Variants in DHX57 observed in about 807,000 individuals in gnomAD.
DHX57 encodes the protein DExH-box helicase 57, also known as putative ATP-dependent RNA helicase DHX57.
In DHX57, 105 loss-of-function variants were observed where a neutral mutation model predicts 156.2. The observed-to-expected ratio is 0.67, with a 90% CI of 0.57 to 0.79. DHX57 has a LOEUF of 0.79. Among genes scored for constraint, DHX57 ranks in the 30% least tolerant of loss-of-function variants. The pLI, the probability that DHX57 is intolerant of heterozygous loss-of-function variation, is 0.00. For synonymous variants in DHX57, 704 were observed against 595.6 expected (o/e 1.18, Z -2.65); for missense variants, 1,847 against 1,661.9 (o/e 1.11, Z -1.94).
At chr2:38,875,403 C>G (rs1266259260) in intron 1 of DHX57, among the ~76,000 whole-genome samples, 1 of 152,142 alleles carries the variant, frequency 6.6e-6, no homozygotes, top group Non-Finnish European at 1.5e-5. Flanking sequence ...ATCTCGTATC[C>G]TTTTTCGAAC....
rs552158808 is a variant in DHX57, at chr2:38,804,836, G to A, written c.3816+1723C>T. On this transcript the variant is annotated intron_variant, in intron 22 of 23. Coordinates refer to ENST00000457308, the MANE Select transcript of DHX57 (RefSeq NM_198963.3). ...GATTTGCTCAGTTGTTTCTCATCCC[G>A]GAGTTCTTCCCTGACCACCCCACGT... Among the ~76,000 whole-genome samples, 9 of 152,230 alleles carry A rather than the reference G, an allele frequency of 5.9e-5. No homozygotes were observed. The South Asian group carries it at 8.3e-4, about 14-fold the overall frequency.
chr2:38,823,483 A>G (rs1670931240), intron 16 of DHX57, among the ~76,000 whole-genome samples: 1 of 152,202 alleles, frequency 6.6e-6, no homozygotes, highest in South Asian at 2.1e-4. Flanking sequence ...AACTTTCAAA[A>G]TGCTTCTTTC....
intron 3 of DHX57, chr2:38,862,833 A>G (rs1413226262): frequency 2.6e-5 from 4 of 154,190 alleles, no homozygotes; most frequent in Non-Finnish European, 5.8e-5. Context: ...AGATTTGTAG[A>G]TAGGATGGAA....
chr2:38,815,372 A>T, intron 20 of DHX57, 149 bp downstream of exon 20: 1 of 1,078,368 alleles, frequency 9.3e-7, no homozygotes, highest in Non-Finnish European at 1.3e-6. Context: ...ATCAGCTGAT[A>T]TTTATTTGTG....
At chr2:38,823,416 C>T in intron 16 of DHX57, 147 bp from the exon 17 acceptor site, 1 of 812,310 alleles carries the variant, frequency 1.2e-6, no homozygotes, top group Non-Finnish European at 1.9e-6. Flanking sequence ...CAATAAACCA[C>T]AAAAACACTT....
intron 13 of DHX57, among the ~76,000 whole-genome samples, chr2:38,833,890 A>G (rs1671512554): frequency 6.6e-6 from 1 of 152,244 alleles, no homozygotes; most frequent in South Asian, 2.1e-4. Flanking sequence ...ACATATATAG[A>G]TACTAGCCTA....
chr2:38,828,821 C>A (rs1201455898), intron 13 of DHX57, among the ~76,000 whole-genome samples: 1 of 151,980 alleles, frequency 6.6e-6, no homozygotes, highest in Non-Finnish European at 1.5e-5. Flanking sequence ...TTTATATATT[C>A]TCTGACTTAA....
chr2:38,800,353 C>CA lies in DHX57; in HGVS notation c.4018-1912dup, dbSNP rs960588254. ...TGGGTGACAGAGCAAGACTCCACCTCAAAAAAAAAAATAAATAAGTGGAAG... is the reference window on the plus strand; with the variant it reads ...TGGGTGACAGAGCAAGACTCCACCTCAAAAAAAAAAAATAAATAAGTGGAAG... On this transcript the variant is annotated intron_variant, in intron 23 of 23. Coordinates refer to ENST00000457308, the MANE Select transcript of DHX57 (RefSeq NM_198963.3). 3.0e-3 allele frequency among the ~76,000 whole-genome samples: 426 copies of CA among 142,480 alleles called. 1 individual carries two copies. The highest frequency in any genetic ancestry group is 4.6e-3 in the African/African-American group (180 of 38,942). 93.5% of individuals were successfully genotyped at this position (142,480 alleles called of 152,430 possible).
In DHX57 at chr2:38,826,060, A is replaced by AT; in HGVS notation, c.2814-14_2814-13insA. ...GCTGGCATCATATCTATAAAGAAAA[A>AT]GAAAATATAAATTGAGTCATTTTAT... On this transcript the variant is annotated splice_polypyrimidine_tract_variant and intron_variant, in intron 15 of 23. Coordinates refer to ENST00000457308, the MANE Select transcript of DHX57 (RefSeq NM_198963.3). 1.2e-6 allele frequency: 2 copies of AT among 1,610,402 alleles called. No homozygotes were observed. The highest frequency in any genetic ancestry group is 1.7e-6 in the Non-Finnish European group (2 of 1,177,650).
chr2:38,815,813 T>A, intron 19 of DHX57, 158 bp from the exon 20 acceptor site: 1 of 908,170 alleles, frequency 1.1e-6, no homozygotes, highest in South Asian at 1.8e-5. Flanking sequence ...TGTCTGGTCA[T>A]TTCCAAGAAG....
intron 2 of DHX57, among the ~76,000 whole-genome samples, chr2:38,867,838 G>A (rs1031183948): frequency 6.6e-6 from 1 of 152,194 alleles, no homozygotes; most frequent in Non-Finnish European, 1.5e-5. Context: ...GATTACAGGT[G>A]TGAGCCACCG....
chr2:38,868,718 C>T (rs927938289), intron 1 of DHX57, among the ~76,000 whole-genome samples: 5 of 152,162 alleles, frequency 3.3e-5, no homozygotes, highest in Non-Finnish European at 5.9e-5. Context: ...TAAAGATGTA[C>T]ATCATAAACA....
At chr2:38,848,070 G>A (rs1303556962) in intron 10 of DHX57, among the ~76,000 whole-genome samples, 199 bp downstream of exon 10, 2 of 151,024 alleles carry the variant, frequency 1.3e-5, no homozygotes, top group African/African-American at 2.4e-5. Flanking sequence ...GTGACAGAGC[G>A]AGACTCTGTC....
At chr2:38,809,403 A>G (rs1167964241) in intron 21 of DHX57, among the ~76,000 whole-genome samples, 3 of 151,376 alleles carry the variant, frequency 2.0e-5, no homozygotes, top group Non-Finnish European at 4.4e-5. Context: ...ACGAGCCACT[A>G]TGCCCAGCCC....
At chr2:38,848,966 A>C (rs1672434312) in intron 9 of DHX57, among the ~76,000 whole-genome samples, 1 of 152,226 alleles carries the variant, frequency 6.6e-6, no homozygotes, top group Non-Finnish European at 1.5e-5. Flanking sequence ...AAATCCAGGC[A>C]GTACCAATCA....
chr2:38,812,771 G>A (rs1449206515), intron 21 of DHX57, among the ~76,000 whole-genome samples: 3 of 151,922 alleles, frequency 2.0e-5, no homozygotes, highest in Admixed American at 6.6e-5. Context: ...GACCTCAGGC[G>A]ATCCGCCCGC....
In DHX57 at chr2:38,860,627, A is replaced by C. The variant is rs571726688; in HGVS notation, c.1411+372T>G. On this transcript the variant is annotated intron_variant, in intron 5 of 23. Coordinates refer to ENST00000457308, the MANE Select transcript of DHX57 (RefSeq NM_198963.3). ...TGGTATAGAAAGCAAAATATCTCTA[A>C]AAATTCATTTGAAAGTAATTCAGTA... Among the ~76,000 whole-genome samples, 95 of 152,300 alleles carry C rather than the reference A, an allele frequency of 6.2e-4. 1 individual carries two copies. Among genetic ancestry groups the C allele is most frequent in the Admixed American group, 5.6e-3 (85 of 15,300 alleles).
chr2:38,821,865 G>T (rs771146293), intron 17 of DHX57, among the ~76,000 whole-genome samples: 15 of 151,976 alleles, frequency 9.9e-5, no homozygotes, highest in Non-Finnish European at 1.9e-4. Flanking sequence ...GGGACATTAT[G>T]AATAATTATA....
Position 38,798,257 on chromosome 2 carries a change from G to C in DHX57, c.*42C>G. ...GGTTCTGCTGTTATTTCCCAGGTGAGCTAGAAGCAGGTGAGTAGCAAGCAC... is the reference window on the plus strand; with the variant it reads ...GGTTCTGCTGTTATTTCCCAGGTGACCTAGAAGCAGGTGAGTAGCAAGCAC... On this transcript the variant is annotated 3_prime_UTR_variant, in exon 24 of 24. Transcript: ENST00000457308. 1 of 1,581,310 alleles carries C rather than the reference G, an allele frequency of 6.3e-7. No individual in the cohort carries two copies. Among genetic ancestry groups the C allele is most frequent in the South Asian group, 1.2e-5 (1 of 85,502 alleles).
Sources: gnomAD v4.1 joint callset for allele counts (sites outside exome capture counted in the v4.1 genomes callset) on GRCh38, gnomAD v4.1.1 for gene constraint, MANE v1.5 for transcripts, NCBI Gene and HGNC (gene_info 2026-07-23, HGNC 2026-07-21) for gene names.